SORD: variants seen among roughly 807,000 people sequenced by gnomAD.
SORD encodes (R,R)-butanediol dehydrogenase.
In SORD, 18 loss-of-function variants were observed where a neutral mutation model predicts 35.6. The ratio of observed to expected loss-of-function variants is 0.51; its 90% confidence interval spans 0.35 to 0.75. The LOEUF (loss-of-function observed/expected upper bound fraction) is 0.75. SORD is among the 30% of genes least tolerant of loss of function. SORD has a pLI of 0.01. For missense variants in SORD, 250 were observed against 390.2 expected (o/e 0.64, Z 3.03); for synonymous variants, 106 against 152.9 (o/e 0.69, Z 2.26).
intron 1 of SORD, among the ~76,000 whole-genome samples, chr15:45,035,902 C>G (rs1232891830): frequency 6.6e-6 from 1 of 151,542 alleles, no homozygotes; most frequent in Non-Finnish European, 1.5e-5. Context: ...GAAGAAACTC[C>G]GAACACATCT....
At chr15:45,039,135 CTTTTTT>C (rs60032579) in intron 1 of SORD, among the ~76,000 whole-genome samples, 1 of 147,470 alleles carries the variant, frequency 6.8e-6, no homozygotes, top group Non-Finnish European at 1.5e-5. Context: ...CTCTCTCTTC[CTTTTTT>C]TTTTTGAGAC....
At chr15:45,057,404 T>TATGAAATTTTC (rs1442074983) in intron 3 of SORD, among the ~76,000 whole-genome samples, 7 of 152,246 alleles carry the variant, frequency 4.6e-5, no homozygotes, top group Non-Finnish European at 8.8e-5. Context: ...TTTAATGTCT[T>TATGAAATTTTC]ATGAAATTTT....
chr15:45,029,447 C>T (rs1482789964), intron 1 of SORD, among the ~76,000 whole-genome samples: 6 of 151,008 alleles, frequency 4.0e-5, no homozygotes, highest in Admixed American at 3.9e-4. Flanking sequence ...GGGATCCAGC[C>T]AGCTGCTCCA....
intron 2 of SORD, 42 bp downstream of exon 2, chr15:45,040,483 G>T (rs763978318): frequency 6.7e-7 from 1 of 1,486,896 alleles, no homozygotes; most frequent in East Asian, 2.3e-5. Flanking sequence ...ATTATTTCCT[G>T]TTGTTTCCTT....
At position 45,075,502 on chromosome 15, in the gene SORD, C is replaced by T. The variant is rs1259542368; in HGVS notation, c.*1972C>T. 2 of 114,412 alleles carry T rather than the reference C, an allele frequency of 1.7e-5. No homozygotes were observed. The highest frequency in any genetic ancestry group is 1.6e-5 in the Non-Finnish European group (1 of 62,342). 7.1% of individuals were successfully genotyped at this position (114,412 alleles called of 1,614,324 possible). A position where few individuals can be genotyped will look rare whatever the true frequency, so the allele number is the denominator to read the frequency against. Reference sequence around the variant, plus strand: ...ATGCATGCCTCGTGAAGCCATTTCACTGCTGCCCCTTCATCCTCCTCCTCC... The same window carrying T: ...ATGCATGCCTCGTGAAGCCATTTCATTGCTGCCCCTTCATCCTCCTCCTCC... On this transcript the variant is annotated 3_prime_UTR_variant, in exon 9 of 9. Transcript: ENST00000267814.
At chr15:45,031,514 C>T (rs1892786271) in intron 1 of SORD, among the ~76,000 whole-genome samples, 1 of 152,264 alleles carries the variant, frequency 6.6e-6, no homozygotes, top group Non-Finnish European at 1.5e-5. Flanking sequence ...ACGGGCAGAG[C>T]TTCTACAGGC....
chr15:45,052,544 G>C (rs1013818471), intron 3 of SORD, among the ~76,000 whole-genome samples: 3 of 152,124 alleles, frequency 2.0e-5, no homozygotes, highest in Non-Finnish European at 4.4e-5. Flanking sequence ...GAAATGTTAG[G>C]TAAAAACTCT....
rs369006564 is a variant in SORD, at chr15:45,023,270, G to C, written c.-14G>C. On this transcript the variant is annotated 5_prime_UTR_variant, in exon 1 of 9. Coordinates refer to ENST00000267814, the MANE Select transcript of SORD (RefSeq NM_003104.6). ...CGCGCCTTCCAGGCCGCACTCCAGA[G>C]CCAAAAGAGCTCCATGGCGGCGGCG... The C allele has an allele frequency of 7.2e-5, 113 of 1,572,224 alleles. No individual in the cohort carries two copies. Among genetic ancestry groups the C allele is most frequent in the Non-Finnish European group, 9.5e-5 (110 of 1,160,980 alleles).
intron 1 of SORD, among the ~76,000 whole-genome samples, chr15:45,039,278 G>T (rs1211101349): frequency 5.9e-5 from 9 of 152,130 alleles, no homozygotes; most frequent in African/African-American, 2.2e-4. Context: ...ACAGGCGCGT[G>T]CCACCACGCC....
At chr15:45,061,571 A>G (rs1391679056) in intron 4 of SORD, among the ~76,000 whole-genome samples, 1 of 151,280 alleles carries the variant, frequency 6.6e-6, no homozygotes, top group African/African-American at 2.4e-5. Context: ...GAAACGTCAT[A>G]ACAACAATGA....
chr15:45,040,557 T>C, intron 2 of SORD, 116 bp downstream of exon 2: 2 of 809,376 alleles, frequency 2.5e-6, no homozygotes, highest in Non-Finnish European at 4.2e-6. Flanking sequence ...TTTGCATCCA[T>C]TAAAAACCTA....
At chr15:45,030,589 G>A (rs1206745278) in intron 1 of SORD, among the ~76,000 whole-genome samples, 2 of 152,224 alleles carry the variant, frequency 1.3e-5, no homozygotes, top group Non-Finnish European at 1.5e-5. Context: ...TCAAGATCAC[G>A]AACAGACTAG....
intron 3 of SORD, among the ~76,000 whole-genome samples, chr15:45,056,829 C>A (rs543358363): frequency 6.6e-6 from 1 of 152,296 alleles, no homozygotes; most frequent in African/African-American, 2.4e-5. Context: ...ATTGGTTTGT[C>A]CTGCTGGGGA....
At chr15:45,029,286 C>T (rs1166800940) in intron 1 of SORD, among the ~76,000 whole-genome samples, 1 of 152,280 alleles carries the variant, frequency 6.6e-6, no homozygotes, top group East Asian at 1.9e-4. Flanking sequence ...AAAGGCAATG[C>T]CTTTGTCTGT....
At chr15:45,054,985 GT>G (rs1189021132) in intron 3 of SORD, among the ~76,000 whole-genome samples, 3 of 152,130 alleles carry the variant, frequency 2.0e-5, no homozygotes, top group Admixed American at 6.6e-5. Context: ...TGAGGGCTCT[GT>G]TCTGTTCCAT....
intron 1 of SORD, among the ~76,000 whole-genome samples, chr15:45,023,668 GT>G (rs1324964316): frequency 6.6e-6 from 1 of 152,252 alleles, no homozygotes; most frequent in Non-Finnish European, 1.5e-5. Flanking sequence ...CCAGCCTCTT[GT>G]CATTGACCTT....
At chr15:45,037,066 G>A (rs186742003) in intron 1 of SORD, among the ~76,000 whole-genome samples, 9 of 152,330 alleles carry the variant, frequency 5.9e-5, no homozygotes, top group Admixed American at 3.3e-4. Context: ...ATGGTTTTGT[G>A]CTCAGGTAGC....
chr15:45,055,642 A>G lies in SORD; in HGVS notation c.266-5425A>G, dbSNP rs964290788. ...GGAATCCTCCCTAACTCATTTTATGAGGCCAGCATCATCCTGATACCAAAG... is the reference window on the plus strand; with the variant it reads ...GGAATCCTCCCTAACTCATTTTATGGGGCCAGCATCATCCTGATACCAAAG... On this transcript the variant is annotated intron_variant, in intron 3 of 8. Transcript: ENST00000267814. Among the ~76,000 whole-genome samples, 890 of 152,364 alleles carry G rather than the reference A, an allele frequency of 5.8e-3. 4 individuals are homozygous for G. Among genetic ancestry groups the G allele is most frequent in the African/African-American group, 0.019 (794 of 41,584 alleles).
chr15:45,055,056 G>C (rs1893193372), intron 3 of SORD, among the ~76,000 whole-genome samples: 1 of 152,102 alleles, frequency 6.6e-6, no homozygotes, highest in South Asian at 2.1e-4. Flanking sequence ...TAGCCTTGTA[G>C]TATAGTTTGA....
Sources: gnomAD v4.1 joint callset for allele counts (sites outside exome capture counted in the v4.1 genomes callset) on GRCh38, gnomAD v4.1.1 for gene constraint, MANE v1.5 for transcripts, NCBI Gene and HGNC (gene_info 2026-07-23, HGNC 2026-07-21) for gene names.